Variants in CMTM8 observed in about 807,000 individuals in gnomAD.
The protein encoded by CMTM8 is CKLF like MARVEL transmembrane domain containing 8.
In CMTM8, 12 loss-of-function variants were observed where a neutral mutation model predicts 18.6. The ratio of observed to expected loss-of-function variants is 0.65; its 90% CI spans 0.41 to 1.05. The LOEUF is 1.05. Among genes scored for constraint, CMTM8 ranks in the 50% least tolerant of loss-of-function variants. The pLI, the probability that CMTM8 is intolerant of heterozygous loss-of-function variation, is 0.00. For missense variants in CMTM8, 217 were observed against 227.2 expected (o/e 0.95, Z 0.29); for synonymous variants, 87 against 90.6 (o/e 0.96, Z 0.23).
At chr3:32,348,257 A>T (rs1342559578) in intron 1 of CMTM8, among the ~76,000 whole-genome samples, 1 of 152,210 alleles carries the variant, frequency 6.6e-6, no homozygotes, top group Non-Finnish European at 1.5e-5. Flanking sequence ...TTTAGAAAAG[A>T]TTAAAAACCA....
intron 1 of CMTM8, among the ~76,000 whole-genome samples, chr3:32,310,841 A>C (rs1257679183): frequency 1.3e-5 from 2 of 152,232 alleles, no homozygotes; most frequent in East Asian, 3.8e-4. Context: ...AGTTGGAAAA[A>C]AATGTTAAAC....
intron 1 of CMTM8, among the ~76,000 whole-genome samples, chr3:32,354,127 A>G (rs1011223953): frequency 1.3e-5 from 2 of 151,558 alleles, no homozygotes; most frequent in African/African-American, 4.8e-5. Flanking sequence ...GAAATGTTTT[A>G]TAAGTCTTAG....
chr3:32,265,401 C>G (rs1019382079), intron 1 of CMTM8, among the ~76,000 whole-genome samples: 5 of 151,458 alleles, frequency 3.3e-5, no homozygotes, highest in East Asian at 1.9e-4. Context: ...TTCTTTGAAA[C>G]CAACAAGAAC....
Position 32,259,159 on chromosome 3 carries a change from G to A in CMTM8, c.147+20040G>A, listed in dbSNP as rs551026513. 3.4e-4 allele frequency: 149 copies of A among 442,116 alleles called. 1 individual carries two copies. Among genetic ancestry groups the A allele is most frequent in the Middle Eastern group, 7.3e-4 (1 of 1,366 alleles). 27.4% of individuals were successfully genotyped at this position (442,116 alleles called of 1,614,324 possible). A position where few individuals can be genotyped will look rare whatever the true frequency, so the allele number is the denominator to read the frequency against. ...GGACCTGGCCGCAGGGACGGCCAGG[G>A]GTCTGGCAGAAATGGGAGGCATCCA... On this transcript the variant is annotated intron_variant, in intron 1 of 3. Coordinates refer to ENST00000307526, the MANE Select transcript of CMTM8 (RefSeq NM_178868.5).
chr3:32,335,941 G>A (rs568053274), intron 1 of CMTM8, among the ~76,000 whole-genome samples: 1 of 152,152 alleles, frequency 6.6e-6, no homozygotes, highest in East Asian at 1.9e-4. Flanking sequence ...AGGGCAAGTG[G>A]ACCGAGGGAA....
intron 1 of CMTM8, among the ~76,000 whole-genome samples, chr3:32,335,071 T>G (rs1294349949): frequency 2.0e-5 from 3 of 152,214 alleles, no homozygotes; most frequent in Non-Finnish European, 4.4e-5. Flanking sequence ...TGTTGTTTCC[T>G]GAGTAATAGC....
intron 1 of CMTM8, among the ~76,000 whole-genome samples, chr3:32,295,362 A>G (rs1320272303): frequency 1.4e-5 from 2 of 147,462 alleles, no homozygotes; most frequent in African/African-American, 4.9e-5. Flanking sequence ...AGGCTGAGAC[A>G]GGAGAATTGT....
Position 32,358,117 on chromosome 3 carries a change from A to G in CMTM8, c.321+571A>G, listed in dbSNP as rs140025430. On this transcript the variant is annotated intron_variant, in intron 2 of 3. Transcript: ENST00000307526. The surrounding 1 kb of genome is among the most constrained non-coding windows in gnomAD (Gnocchi z 4.1). ...GCACCATGCTGGATGCAGGATGGTG[A>G]ACATGTGGTCCAGGGTAAATAGATA... is the stretch of plus-strand genomic sequence containing the variant. Among the ~76,000 whole-genome samples the G allele has an allele frequency of 1.4e-3, 208 of 152,306 alleles. 1 individual carries two copies. The highest frequency in any genetic ancestry group is 8.5e-3 in the South Asian group (41 of 4,826).
rs1435668380 is a variant in CMTM8 at position 32,244,289 on chromosome 3, G to A, written c.147+5170G>A. The stretch of plus-strand genomic sequence containing the variant: ...ACTGCAACCTGGAACTCCTGGGCTC[G>A]AACAGTCCTCCCGCCACAGTCTCCT... On this transcript the variant is annotated intron_variant, in intron 1 of 3. Coordinates refer to ENST00000307526, the MANE Select transcript of CMTM8 (RefSeq NM_178868.5). Among the ~76,000 whole-genome samples, 7 of 152,130 alleles carry A rather than the reference G, an allele frequency of 4.6e-5. No homozygotes were observed. In the South Asian group the frequency reaches 8.3e-4, roughly 18 times the overall value.
At chr3:32,303,586 G>C (rs1695664899) in intron 1 of CMTM8, among the ~76,000 whole-genome samples, 2 of 151,984 alleles carry the variant, frequency 1.3e-5, no homozygotes, top group Non-Finnish European at 1.5e-5. Flanking sequence ...GAAACATTCT[G>C]GCTTGTTTAC....
chr3:32,294,375 C>T (rs896597307), intron 1 of CMTM8, among the ~76,000 whole-genome samples: 2 of 152,188 alleles, frequency 1.3e-5, no homozygotes, highest in Non-Finnish European at 2.9e-5. Context: ...CTCTATGAAA[C>T]GTTTTCCGAT....
intron 1 of CMTM8, among the ~76,000 whole-genome samples, chr3:32,313,330 A>T (rs544609079): frequency 1.3e-5 from 2 of 152,256 alleles, no homozygotes; most frequent in East Asian, 3.9e-4. Flanking sequence ...TGCTATTTGC[A>T]GCAGGGGGGA....
intron 1 of CMTM8, chr3:32,259,938 A>G (rs1304240705): frequency 1.4e-5 from 16 of 1,141,322 alleles, no homozygotes; most frequent in Non-Finnish European, 2.1e-5. Flanking sequence ...TACACCCTGC[A>G]GATAGAGCAG....
intron 1 of CMTM8, among the ~76,000 whole-genome samples, chr3:32,306,257 T>G (rs1235132964): frequency 1.3e-5 from 2 of 152,238 alleles, no homozygotes; most frequent in Non-Finnish European, 2.9e-5. Flanking sequence ...GGTCACCTGA[T>G]GGCAAGGCCA....
intron 1 of CMTM8, among the ~76,000 whole-genome samples, chr3:32,339,932 C>T (rs911307400): frequency 3.9e-5 from 6 of 152,178 alleles, no homozygotes; most frequent in African/African-American, 1.4e-4. Flanking sequence ...CACTGCACTC[C>T]AGCCTGGGCG....
At chr3:32,344,510 G>T (rs1162377439) in intron 1 of CMTM8, among the ~76,000 whole-genome samples, 1 of 152,198 alleles carries the variant, frequency 6.6e-6, no homozygotes, top group East Asian at 1.9e-4. Flanking sequence ...ACTGCCATCA[G>T]GTAATTCCTC....
chr3:32,324,810 G>A (rs753828429), intron 1 of CMTM8, among the ~76,000 whole-genome samples: 1 of 152,194 alleles, frequency 6.6e-6, no homozygotes, highest in African/African-American at 2.4e-5. Flanking sequence ...AGCCCCCATA[G>A]GAAAACAAAG....
chr3:32,322,803 A>G (rs1696082653), intron 1 of CMTM8, among the ~76,000 whole-genome samples: 1 of 152,218 alleles, frequency 6.6e-6, no homozygotes, highest in African/African-American at 2.4e-5. Context: ...AACATTTACA[A>G]TTTGGATTGC....
chr3:32,351,457 C>T (rs1031625372), intron 1 of CMTM8, among the ~76,000 whole-genome samples: 1 of 152,162 alleles, frequency 6.6e-6, no homozygotes, highest in African/African-American at 2.4e-5. Flanking sequence ...CCTATAATCC[C>T]AGCACTTTGG....
Sources: allele counts gnomAD v4.1 joint callset (sites outside exome capture counted in the v4.1 genomes callset), GRCh38; gene constraint gnomAD v4.1.1; non-coding constraint Gnocchi (gnomAD v3.1); transcripts MANE v1.5; gene names NCBI Gene and HGNC (gene_info 2026-07-23, HGNC 2026-07-21).